POU6F2: variants seen among roughly 807,000 people sequenced by gnomAD.
The protein encoded by POU6F2 is POU domain, class 6, transcription factor 2.
A neutral mutation model predicts 71.3 loss-of-function variants in POU6F2; 31 were observed. The observed-to-expected ratio is 0.43, with a 90% CI of 0.33 to 0.59. The LOEUF is 0.59. POU6F2 is among the 20% of genes least tolerant of loss of function. The pLI is 0.04. For missense variants in POU6F2, 783 were observed against 856.8 expected (o/e 0.91, Z 1.07); for synonymous variants, 347 against 355.7 (o/e 0.98, Z 0.27).
At chr7:39,009,993 T>C (rs1229275369) in intron 1 of POU6F2, among the ~76,000 whole-genome samples, 1 of 151,620 alleles carries the variant, frequency 6.6e-6, no homozygotes, top group Non-Finnish European at 1.5e-5. Context: ...TCTTTTTTGG[T>C]TGTGTCTCTG....
chr7:39,248,895 G>A lies in POU6F2; in HGVS notation c.598+41275G>A, dbSNP rs1215282242. On this transcript the variant is annotated intron_variant, in intron 4 of 9. Coordinates refer to ENST00000518318, the MANE Select transcript of POU6F2 (RefSeq NM_001370959.1). ...GTGGTTTTCAGAGTCAGAAACAATA[G>A]CATTTCTCACACTGCCCCTGGGACA... Among the ~76,000 whole-genome samples the A allele has an allele frequency of 6.6e-5, 10 of 152,270 alleles. 1 individual carries two copies. Among genetic ancestry groups the A allele is most frequent in the Non-Finnish European group, 4.4e-5 (3 of 68,024 alleles).
At chr7:39,185,712 AG>A (rs1442756714) in intron 2 of POU6F2, among the ~76,000 whole-genome samples, 1 of 151,952 alleles carries the variant, frequency 6.6e-6, no homozygotes, top group Non-Finnish European at 1.5e-5. Flanking sequence ...CCAGAGGCTC[AG>A]GGAGCATATC....
At chr7:39,428,553 A>G (rs1252603395) in intron 6 of POU6F2, among the ~76,000 whole-genome samples, 1 of 152,208 alleles carries the variant, frequency 6.6e-6, no homozygotes, top group East Asian at 1.9e-4. Flanking sequence ...GTTGCAACCT[A>G]GGCATAGAGT....
chr7:39,097,477 T>C (rs890733785), intron 2 of POU6F2, among the ~76,000 whole-genome samples: 1 of 152,228 alleles, frequency 6.6e-6, no homozygotes, highest in Non-Finnish European at 1.5e-5. Context: ...CTGTGAAGTG[T>C]TTTGAAACTG....
At chr7:39,266,932 C>G (rs992132556) in intron 4 of POU6F2, among the ~76,000 whole-genome samples, 1 of 152,072 alleles carries the variant, frequency 6.6e-6, no homozygotes, top group Non-Finnish European at 1.5e-5. Context: ...GGCAATAGAA[C>G]ACCAGAACTT....
chr7:38,982,758 A>G (rs914742397), intron 1 of POU6F2, among the ~76,000 whole-genome samples: 6 of 152,094 alleles, frequency 3.9e-5, no homozygotes, highest in African/African-American at 1.4e-4. Context: ...AACTCTCTGT[A>G]CCATTCAATT....
intron 4 of POU6F2, among the ~76,000 whole-genome samples, chr7:39,254,817 A>G (rs992765751): frequency 3.9e-5 from 6 of 152,200 alleles, no homozygotes; most frequent in Non-Finnish European, 5.9e-5. Context: ...CAACACATGT[A>G]TCTTCTAAGA....
chr7:39,256,851 A>G (rs1241605730), intron 4 of POU6F2, among the ~76,000 whole-genome samples: 11 of 152,136 alleles, frequency 7.2e-5, no homozygotes, highest in Admixed American at 7.2e-4. Flanking sequence ...TCTCCTATAG[A>G]GCCTCCAGGA....
At chr7:39,117,464 A>G (rs1160390398) in intron 2 of POU6F2, among the ~76,000 whole-genome samples, 1 of 152,226 alleles carries the variant, frequency 6.6e-6, no homozygotes, top group African/African-American at 2.4e-5. Context: ...AAACATAACC[A>G]TAAAGGGATC....
At chr7:39,050,102 A>G (rs902709321) in intron 1 of POU6F2, among the ~76,000 whole-genome samples, 6 of 151,956 alleles carry the variant, frequency 3.9e-5, no homozygotes, top group African/African-American at 1.4e-4. Context: ...ATCTTTGTTT[A>G]GTAACTTGTT....
chr7:39,257,863 C>T (rs545914702), intron 4 of POU6F2, among the ~76,000 whole-genome samples: 2 of 151,710 alleles, frequency 1.3e-5, no homozygotes, highest in Non-Finnish European at 2.9e-5. Flanking sequence ...CACACTTACT[C>T]TACATTTTTC....
At chr7:39,200,072 G>A (rs7783839) in intron 2 of POU6F2, among the ~76,000 whole-genome samples, 56,860 of 152,054 alleles carry the variant, frequency 0.37, 10,949 homozygotes, top group South Asian at 0.49. Flanking sequence ...CTAGAAGTCA[G>A]TCAGGATTAT....
chr7:39,079,572 C>T (rs964112950), intron 1 of POU6F2, among the ~76,000 whole-genome samples: 1 of 152,072 alleles, frequency 6.6e-6, no homozygotes, highest in African/African-American at 2.4e-5. Context: ...CAGTAATTAG[C>T]GCTAAAACAA....
At chr7:39,330,930 C>G (rs1785633570) in intron 4 of POU6F2, among the ~76,000 whole-genome samples, 1 of 152,188 alleles carries the variant, frequency 6.6e-6, no homozygotes, top group Non-Finnish European at 1.5e-5. Flanking sequence ...CTTTGCCTCT[C>G]CTCCCCTGAC....
intron 2 of POU6F2, among the ~76,000 whole-genome samples, chr7:39,143,858 C>T (rs191720628): frequency 1.4e-3 from 206 of 152,258 alleles, no homozygotes; most frequent in African/African-American, 4.5e-3. Flanking sequence ...TATTGAACTA[C>T]GTCAATTATT....
intron 1 of POU6F2, among the ~76,000 whole-genome samples, chr7:38,987,381 C>T (rs1275884715): frequency 3.9e-5 from 6 of 152,016 alleles, no homozygotes; most frequent in Admixed American, 3.3e-4. Flanking sequence ...GAACAAAATG[C>T]TTGTTATTTT....
intron 5 of POU6F2, among the ~76,000 whole-genome samples, chr7:39,378,083 C>T (rs1257094245): frequency 6.6e-6 from 1 of 152,146 alleles, no homozygotes; most frequent in Non-Finnish European, 1.5e-5. Context: ...GTACATAGCC[C>T]ATCTCTTGAC....
intron 1 of POU6F2, among the ~76,000 whole-genome samples, chr7:39,025,257 T>C (rs998036879): frequency 1.3e-5 from 2 of 152,190 alleles, no homozygotes; most frequent in Non-Finnish European, 2.9e-5. Context: ...TCAGGGAATT[T>C]ATCCATTTCT....
chr7:39,034,652 A>G (rs1790019061), intron 1 of POU6F2, among the ~76,000 whole-genome samples: 1 of 152,104 alleles, frequency 6.6e-6, no homozygotes, highest in African/African-American at 2.4e-5. Flanking sequence ...TTTAAAGTGG[A>G]CACTGCTGGG....
Sources: allele counts gnomAD v4.1 joint callset (sites outside exome capture counted in the v4.1 genomes callset), GRCh38; gene constraint gnomAD v4.1.1; transcripts MANE v1.5; gene names NCBI Gene and HGNC (gene_info 2026-07-23, HGNC 2026-07-21).